Variants in TRIQK observed in about 807,000 individuals in gnomAD.
The protein encoded by TRIQK is triple QxxK/R motif containing, also known as triple QxxK/R motif-containing protein.
In TRIQK, 10 loss-of-function variants were observed where a neutral mutation model predicts 10.8. That is an observed-to-expected ratio of 0.92 (90% confidence interval 0.57 to 1.57). The LOEUF (loss-of-function observed/expected upper bound fraction) is 1.57, where lower values mean the gene tolerates loss of function less well. Among genes scored for constraint, TRIQK ranks in the 40% most tolerant of loss-of-function variants. The pLI is 0.00. For synonymous variants in TRIQK, 33 were observed against 33.7 expected, an observed-to-expected ratio of 0.98 and a Z score of 0.07; for missense variants, 107 against 97.7, an observed-to-expected ratio of 1.09 and a Z score of -0.40.
At chr8:92,963,634 C>T (rs1812565987) in intron 1 of TRIQK, 1 of 152,126 alleles carries the variant, frequency 6.6e-6, no homozygotes, top group Admixed American at 6.5e-5. Flanking sequence ...TGGCTCACCC[C>T]TGTAATCTCA....
chr8:92,982,293 G>C (rs779829159), intron 1 of TRIQK, among the ~76,000 whole-genome samples: 1 of 151,928 alleles, frequency 6.6e-6, no homozygotes, highest in East Asian at 1.9e-4. Flanking sequence ...TTAAAGAAGA[G>C]AAAACTAGAT....
At chr8:92,984,506 A>G (rs1182835666) in intron 1 of TRIQK, among the ~76,000 whole-genome samples, 1 of 152,184 alleles carries the variant, frequency 6.6e-6, no homozygotes, top group Non-Finnish European at 1.5e-5. Context: ...AGAATAAAAA[A>G]GAAAGCATAA....
At chr8:92,902,358 G>A (rs1808987890) in intron 3 of TRIQK, among the ~76,000 whole-genome samples, 1 of 152,100 alleles carries the variant, frequency 6.6e-6, no homozygotes, top group South Asian at 2.1e-4. Context: ...CTGTGACAGG[G>A]CAGCACTGAG....
At chr8:92,928,247 C>T (rs1269282434) in intron 2 of TRIQK, among the ~76,000 whole-genome samples, 2 of 152,134 alleles carry the variant, frequency 1.3e-5, no homozygotes, top group Non-Finnish European at 2.9e-5. Flanking sequence ...CTACCTTTAT[C>T]TCAAAACTGC....
At chr8:92,966,994 A>AAAG, upstream of TRIQK, among the ~76,000 whole-genome samples, 1 of 150,868 alleles carries the variant, frequency 6.6e-6, no homozygotes, top group East Asian at 1.9e-4. Context: ...AAAAAAAAAA[A>AAAG]AAAAAAAACT....
intron 1 of TRIQK, among the ~76,000 whole-genome samples, chr8:93,005,550 C>G (rs1344315130): frequency 6.6e-6 from 1 of 152,060 alleles, no homozygotes; most frequent in African/African-American, 2.4e-5. Flanking sequence ...ATAGGAAGGA[C>G]AAAAACCATA....
intron 3 of TRIQK, among the ~76,000 whole-genome samples, chr8:92,908,296 T>A (rs188968087): frequency 1.1e-3 from 175 of 152,308 alleles, no homozygotes; most frequent in African/African-American, 3.9e-3. Context: ...ACACTCATTA[T>A]CATCATGTGG....
intron 1 of TRIQK, among the ~76,000 whole-genome samples, chr8:92,961,808 C>T (rs1812471390): frequency 6.6e-6 from 1 of 152,138 alleles, no homozygotes. Flanking sequence ...GTTATTTTTG[C>T]AACTACGTCA....
chr8:92,943,460 T>C (rs975371832), intron 2 of TRIQK, among the ~76,000 whole-genome samples: 6 of 152,124 alleles, frequency 3.9e-5, no homozygotes, highest in South Asian at 2.1e-4. Flanking sequence ...CAGCATGGCA[T>C]TGGCATAAAA....
At chr8:92,919,370 A>C (rs1250098877) in intron 2 of TRIQK, among the ~76,000 whole-genome samples, 1 of 151,878 alleles carries the variant, frequency 6.6e-6, no homozygotes. Context: ...ATTTTGTTGA[A>C]TACTTTTTCA....
chr8:92,937,611 A>C (rs1004113783), intron 2 of TRIQK, among the ~76,000 whole-genome samples: 5 of 144,802 alleles, frequency 3.5e-5, no homozygotes, highest in Non-Finnish European at 6.1e-5. Flanking sequence ...CTTCTTTGGG[A>C]TTAATTGAGC....
upstream of TRIQK, among the ~76,000 whole-genome samples, chr8:92,966,829 T>C (rs2130733145): frequency 6.6e-6 from 1 of 152,254 alleles, no homozygotes; most frequent in South Asian, 2.1e-4. Context: ...GCCATCATTT[T>C]TTAATATTGT....
chr8:92,943,161 T>G (rs922848936), intron 2 of TRIQK, among the ~76,000 whole-genome samples: 1 of 151,754 alleles, frequency 6.6e-6, no homozygotes. Context: ...TAAAAACTGA[T>G]TAAAAAATTG....
At position 92,990,030 on chromosome 8, in the gene TRIQK, C is replaced by T. The variant is rs1586524153; in HGVS notation, c.-181+27579G>A. On this transcript the variant is annotated intron_variant, in intron 1 of 4. Transcript: ENST00000520686. ...TTAAAAAAATACTAAAACTTCATAACAAAGATCATAAAAAAGCAATTTATA... is the reference window on the plus strand; with the variant it reads ...TTAAAAAAATACTAAAACTTCATAATAAAGATCATAAAAAAGCAATTTATA... 3.3e-5 allele frequency among the ~76,000 whole-genome samples: 5 copies of T among 151,680 alleles called. No homozygotes were observed. The South Asian group carries it at 1.0e-3, about 32-fold the overall frequency.
chr8:92,942,279 A>G (rs1207234378), intron 2 of TRIQK, among the ~76,000 whole-genome samples: 2 of 152,226 alleles, frequency 1.3e-5, no homozygotes, highest in South Asian at 4.1e-4. Context: ...ACATTAACAG[A>G]ATGAATGACA....
At chr8:92,898,186 G>T (rs559389002) in intron 3 of TRIQK, among the ~76,000 whole-genome samples, 12 of 152,196 alleles carry the variant, frequency 7.9e-5, no homozygotes, top group Admixed American at 7.9e-4. Context: ...CACAGAGTTA[G>T]CTCTAAGTAA....
chr8:93,004,720 A>C (rs55975326), intron 1 of TRIQK, among the ~76,000 whole-genome samples: 4,826 of 152,290 alleles, frequency 0.032, 120 homozygotes, highest in South Asian at 0.049. Context: ...GCTGCTTAGA[A>C]ATTTCTTCCT....
At chr8:92,920,149 AT>A (rs1470694332) in intron 2 of TRIQK, among the ~76,000 whole-genome samples, 4 of 151,606 alleles carry the variant, frequency 2.6e-5, no homozygotes, top group South Asian at 4.1e-4. Flanking sequence ...AAGTTTTATG[AT>A]TTTTATTGAA....
intron 2 of TRIQK, among the ~76,000 whole-genome samples, chr8:92,938,417 T>C (rs1487069465): frequency 6.6e-6 from 1 of 151,866 alleles, no homozygotes; most frequent in East Asian, 1.9e-4. Context: ...TACTTGCTAC[T>C]TTTAATGATT....
Sources: allele counts gnomAD v4.1 joint callset (sites outside exome capture counted in the v4.1 genomes callset), GRCh38; gene constraint gnomAD v4.1.1; transcripts MANE v1.5; gene names NCBI Gene and HGNC (gene_info 2026-07-23, HGNC 2026-07-21).